SVEP1: variants seen among roughly 807,000 people sequenced by gnomAD.
SVEP1 encodes sushi, von Willebrand factor type A, EGF and pentraxin domain-containing protein 1.
Under a neutral mutation model 367.3 loss-of-function variants are expected in SVEP1, and 164 were observed. The observed-to-expected ratio is 0.45, with a 90% CI of 0.39 to 0.51. The LOEUF (loss-of-function observed/expected upper bound fraction) is 0.51, where lower values mean the gene tolerates loss of function less well. Ranked by LOEUF, SVEP1 falls within the 20% of genes least tolerant of loss-of-function variation. The probability of loss-of-function intolerance (pLI) is 0.00; values close to 1 mark genes in which losing one functional copy is unlikely to be tolerated. For synonymous variants in SVEP1, 1,666 were observed against 1,611.6 expected (o/e 1.03, Z -0.81); for missense variants, 4,117 against 4,425.3 (o/e 0.93, Z 1.98).
intron 3 of SVEP1, among the ~76,000 whole-genome samples, chr9:110,533,676 C>G (rs1830048627): frequency 6.6e-6 from 1 of 152,150 alleles, no homozygotes; most frequent in Non-Finnish European, 1.5e-5. Flanking sequence ...ACCATGTTTT[C>G]AACGAGTTTG....
rs563109364 is a variant in SVEP1, at chr9:110,462,586, C to T, written c.3322+3279G>A. On this transcript the variant is annotated intron_variant, in intron 18 of 47. Coordinates refer to ENST00000374469, the MANE Select transcript of SVEP1 (RefSeq NM_153366.4). ...GTACATGTACACACACACATAAATA[C>T]GCAATTCCTAATGAACTAGTGTCAT... is the stretch of plus-strand genomic sequence containing the variant. Among the ~76,000 whole-genome samples the T allele has an allele frequency of 4.7e-5, 7 of 150,288 alleles. No individual in the cohort carries two copies. The South Asian group carries it at 6.4e-4, about 14-fold the overall frequency.
chr9:110,412,573 A>G (rs893722733), intron 36 of SVEP1, among the ~76,000 whole-genome samples: 1 of 152,086 alleles, frequency 6.6e-6, no homozygotes, highest in African/African-American at 2.4e-5. Flanking sequence ...GAGCTTCTGC[A>G]CAGCAAAAGA....
intron 1 of SVEP1, among the ~76,000 whole-genome samples, chr9:110,553,066 T>C (rs1830311632): frequency 6.6e-6 from 1 of 152,120 alleles, no homozygotes; most frequent in African/African-American, 2.4e-5. Context: ...GTTATGAAAC[T>C]AACCAACAGA....
chr9:110,519,145 T>C (rs750675489), intron 3 of SVEP1, among the ~76,000 whole-genome samples: 6 of 152,214 alleles, frequency 3.9e-5, no homozygotes, highest in Non-Finnish European at 7.3e-5. Context: ...TCTTCGTGTG[T>C]AATAGTAGTA....
chr9:110,462,446 G>C (rs150821688), intron 18 of SVEP1, among the ~76,000 whole-genome samples: 139 of 151,212 alleles, frequency 9.2e-4, no homozygotes, highest in African/African-American at 3.0e-3. Context: ...GCATTTAATA[G>C]AGTATTTATA....
At position 110,387,427 on chromosome 9, in the gene SVEP1, G is replaced by C; in HGVS notation, c.9918C>G (p.Leu3306=). 1 of 1,611,130 alleles carries C rather than the reference G, an allele frequency of 6.2e-7. No individual in the cohort carries two copies. The highest frequency in any genetic ancestry group is 8.5e-7 in the Non-Finnish European group (1 of 1,179,224). The part of the protein sequence containing the change: ...ETRCETPLEF[L]NGKADIENRT... ...TGTTTTCAATGTCAGCTTTCCCATT[G>C]AGAAATTCAAGTGGAGTTTCACACC... The change falls in exon 42 of 48, where the codon CTC becomes CTG. Residue 3306 remains leucine, a synonymous_variant. Transcript: ENST00000374469.
intron 37 of SVEP1, among the ~76,000 whole-genome samples, chr9:110,410,575 C>T (rs992649672): frequency 6.6e-6 from 1 of 152,162 alleles, no homozygotes; most frequent in Non-Finnish European, 1.5e-5. Context: ...TTCTAACTTC[C>T]TATTTAGGGC....
At position 110,428,900 on chromosome 9, in the gene SVEP1, C is replaced by A. The variant is rs937241761; in HGVS notation, c.5807+243G>T. On this transcript the variant is annotated intron_variant, in intron 35 of 47. Coordinates refer to ENST00000374469, the MANE Select transcript of SVEP1 (RefSeq NM_153366.4). Reference sequence around the variant, plus strand: ...AGTCTGGACAAAATGGCGAAACCCACATCTGTACAAAATACAAAAATTAGC... The same window carrying A: ...AGTCTGGACAAAATGGCGAAACCCAAATCTGTACAAAATACAAAAATTAGC... Among the ~76,000 whole-genome samples, 17 of 152,198 alleles carry A rather than the reference C, an allele frequency of 1.1e-4. 1 individual carries two copies. Among genetic ancestry groups the A allele is most frequent in the African/African-American group, 3.6e-4 (15 of 41,532 alleles).
intron 3 of SVEP1, among the ~76,000 whole-genome samples, chr9:110,525,940 A>G (rs1829935339): frequency 6.6e-6 from 1 of 152,158 alleles, no homozygotes; most frequent in African/African-American, 2.4e-5. Context: ...TAACAGAGGA[A>G]AGATAGCCTT....
chr9:110,379,639 C>T, intron 43 of SVEP1, 122 bp from the exon 44 acceptor site: 1 of 986,830 alleles, frequency 1.0e-6, no homozygotes, highest in Non-Finnish European at 1.5e-6. Flanking sequence ...TTTTCACCTA[C>T]TTATCTAGAA....
At chr9:110,537,977 G>A (rs11788029) in intron 3 of SVEP1, among the ~76,000 whole-genome samples, 1,655 of 151,962 alleles carry the variant, frequency 0.011, 17 homozygotes, top group Non-Finnish European at 0.016. Flanking sequence ...GGGAAAGGAA[G>A]AAGAGAAAGA....
intron 43 of SVEP1, among the ~76,000 whole-genome samples, chr9:110,382,779 C>T (rs1827457663): frequency 6.6e-6 from 1 of 152,166 alleles, no homozygotes; most frequent in Non-Finnish European, 1.5e-5. Context: ...TCTTTGTTCT[C>T]TAATCTTGTC....
intron 35 of SVEP1, among the ~76,000 whole-genome samples, chr9:110,428,798 C>A (rs906749923): frequency 6.6e-6 from 1 of 152,098 alleles, no homozygotes; most frequent in Non-Finnish European, 1.5e-5. Flanking sequence ...AATACAGGCA[C>A]GGTGGCTCAC....
rs1830662801 is a variant in SVEP1, at chr9:110,579,241, G to T, written c.303C>A (p.Ser101Arg). The T allele has an allele frequency of 6.4e-7, 1 of 1,570,208 alleles. No homozygotes were observed. The highest frequency in any genetic ancestry group is 8.6e-7 in the Non-Finnish European group (1 of 1,158,772). ...GCAGCTTGCGGACGAACATGAGCTCGCTGCGGAAGTTGACTTCGCCCACGC... is the reference window on the plus strand; with the variant it reads ...GCAGCTTGCGGACGAACATGAGCTCTCTGCGGAAGTTGACTTCGCCCACGC... ...SSSVGEVNFR[S>R]ELMFVRKLLS... is the part of the protein sequence containing the mutation. The change falls in exon 1 of 48, where the codon AGC becomes AGA. Residue 101 changes from serine to arginine, a missense_variant. Ser to Arg is a moderately radical substitution (Grantham distance 110, BLOSUM62 -1). Transcript: ENST00000374469. This position sits in a 1 kb window ranked among gnomAD's most constrained non-coding sequence, Gnocchi z 5.3.
rs1180787031 is a variant in SVEP1, at chr9:110,465,951, G to A, written c.3236C>T (p.Pro1079Leu). Residue 1079 changes from proline to leucine, a missense_variant, in exon 18 of 48, where the codon CCA becomes CTA. Physicochemically the swap from Pro to Leu is moderately conservative, Grantham distance 98. Around this residue, in one of 4 missense-constraint regions of SVEP1, gnomAD observed 2,174 missense variants for 2,494.3 expected, o/e 0.87. Coordinates refer to ENST00000374469, the MANE Select transcript of SVEP1 (RefSeq NM_153366.4). ...GAGGCAGCTCCGGGAACCAAATTTT[G>A]GCTGATAAGTGCCCAGTGGACACGA... Reference protein sequence around the residue: ...CESCPLGTYQPKFGSRSCLSC... With the variant: ...CESCPLGTYQLKFGSRSCLSC... 4 of 1,613,066 alleles carry A rather than the reference G, an allele frequency of 2.5e-6. No individual in the cohort carries two copies. The South Asian group carries it at 4.4e-5, about 18-fold the overall frequency.
chr9:110,499,350 T>G, intron 6 of SVEP1, 112 bp from the exon 7 acceptor site: 1 of 949,450 alleles, frequency 1.1e-6, no homozygotes, highest in Non-Finnish European at 1.6e-6. Flanking sequence ...TTTACGTAAA[T>G]TGCTAAATGA....
chr9:110,377,348 C>G lies in SVEP1; in HGVS notation c.10427G>C (p.Cys3476Ser). 1 of 1,613,702 alleles carries G rather than the reference C, an allele frequency of 6.2e-7. No individual in the cohort carries two copies. The highest frequency in any genetic ancestry group is 8.5e-7 in the Non-Finnish European group (1 of 1,179,716). Residue 3476 changes from cysteine to serine, a missense_variant, in exon 45 of 48, where the codon TGT (cysteine) becomes TCT (serine). By Grantham distance (112) the Cys-to-Ser change is moderately radical. This residue lies in a region of SVEP1 where 1,765 missense variants were observed against 1,781.1 expected (regional missense o/e 0.99). Transcript: ENST00000374469. ...GCGTTGGCAGATGCCCCCATTCTGA[C>G]ATGGAAATCGACAGACAGCTGGAAA... ...PICRAVCRFP[C>S]QNGGICQRPN...
intron 3 of SVEP1, among the ~76,000 whole-genome samples, chr9:110,537,677 C>T (rs1315938843): frequency 6.6e-6 from 1 of 151,820 alleles, no homozygotes; most frequent in Non-Finnish European, 1.5e-5. Flanking sequence ...AATGGATACT[C>T]AAAACATTTG....
intron 10 of SVEP1, among the ~76,000 whole-genome samples, chr9:110,483,169 T>C (rs1829221719): frequency 1.3e-5 from 2 of 152,228 alleles, no homozygotes; most frequent in Admixed American, 6.5e-5. Context: ...TTGTATTTGC[T>C]TAGTTTTTTT....
Sources: gnomAD v4.1 joint callset for allele counts (sites outside exome capture counted in the v4.1 genomes callset) on GRCh38, gnomAD v4.1.1 for gene constraint, gnomAD v4.1.1 regional missense constraint, Gnocchi (gnomAD v3.1) non-coding constraint, MANE v1.5 for transcripts, NCBI Gene and HGNC (gene_info 2026-07-23, HGNC 2026-07-21) for gene names.